The following DPP10 variants were observed in gnomAD, a reference collection of about 807,000 sequenced individuals.
DPP10 encodes dipeptidyl peptidase like 10, also known as inactive dipeptidyl peptidase 10.
A neutral mutation model predicts 120.9 loss-of-function variants in DPP10; 33 were observed. The ratio of observed to expected loss-of-function variants is 0.27; its 90% CI spans 0.21 to 0.37. The LOEUF (loss-of-function observed/expected upper bound fraction) is 0.37. Among genes scored for constraint, DPP10 ranks in the 10% least tolerant of loss-of-function variants. The pLI, the probability that DPP10 is intolerant of heterozygous loss-of-function variation, is 1.00. For synonymous variants in DPP10, 337 were observed against 326.1 expected, an observed-to-expected ratio of 1.03 and a Z score of -0.36; for missense variants, 816 against 942.8, an observed-to-expected ratio of 0.87 and a Z score of 1.76.
At chr2:114,987,804 C>CTTTTTTTTTTTTTTTTTTTTTTTTT (rs59203543) in intron 1 of DPP10, among the ~76,000 whole-genome samples, 2 of 101,036 alleles carry the variant, frequency 2.0e-5, no homozygotes, top group Non-Finnish European at 3.6e-5. Flanking sequence ...TGGAGACTGT[C>CTTTTTTTTTTTTTTTTTTTTTTTTT]TTTTTTTTTT....
At chr2:115,676,449 A>G (rs145093899) in intron 5 of DPP10, among the ~76,000 whole-genome samples, 84 of 152,350 alleles carry the variant, frequency 5.5e-4, no homozygotes, top group African/African-American at 1.9e-3. Context: ...AGATATTAAC[A>G]TAGGAATACC....
At chr2:114,669,575 A>C (rs540135745) in intron 1 of DPP10, among the ~76,000 whole-genome samples, 65 of 152,210 alleles carry the variant, frequency 4.3e-4, no homozygotes, top group African/African-American at 1.4e-3. Flanking sequence ...AGGAATAGCA[A>C]TTTTCATGTA....
chr2:114,665,143 A>G (rs1697822391), intron 1 of DPP10, among the ~76,000 whole-genome samples: 1 of 152,200 alleles, frequency 6.6e-6, no homozygotes, highest in Admixed American at 6.5e-5. Flanking sequence ...AAGGAAAAAA[A>G]TGTATGCTGA....
chr2:115,688,655 C>G (rs1233595677), intron 5 of DPP10, among the ~76,000 whole-genome samples: 2 of 152,102 alleles, frequency 1.3e-5, no homozygotes, highest in Non-Finnish European at 2.9e-5. Flanking sequence ...CCTAACCCAT[C>G]TTTTGTAATT....
chr2:115,810,277 G>A (rs1217068772), intron 19 of DPP10, among the ~76,000 whole-genome samples: 1 of 151,960 alleles, frequency 6.6e-6, no homozygotes, highest in Non-Finnish European at 1.5e-5. Context: ...ATTCCTCAAG[G>A]TACCTCAGCA....
intron 4 of DPP10, among the ~76,000 whole-genome samples, chr2:115,513,938 T>C (rs2077366954): frequency 6.6e-6 from 1 of 152,018 alleles, no homozygotes; most frequent in Admixed American, 6.6e-5. Flanking sequence ...AGTGTTTCCT[T>C]AGAGCGGGGC....
At chr2:114,499,262 T>G (rs753168212) in intron 1 of DPP10, among the ~76,000 whole-genome samples, 1 of 152,208 alleles carries the variant, frequency 6.6e-6, no homozygotes, top group South Asian at 2.1e-4. Flanking sequence ...TCACTCCTCA[T>G]GCATGTGTAA....
chr2:115,799,847 A>G (rs145489196), intron 19 of DPP10, among the ~76,000 whole-genome samples: 2,079 of 151,940 alleles, frequency 0.014, 24 homozygotes, highest in South Asian at 0.028. Flanking sequence ...TTGGACATTT[A>G]GGTTGGTTCC....
chr2:114,707,706 C>T (rs1230404961), intron 1 of DPP10, among the ~76,000 whole-genome samples: 1 of 152,048 alleles, frequency 6.6e-6, no homozygotes, highest in Non-Finnish European at 1.5e-5. Flanking sequence ...AAATTAGGTG[C>T]CCAGCTTAAT....
rs942427596 is a variant in DPP10 at position 114,547,454 on chromosome 2, CT to C, written c.60+104627del. Among the ~76,000 whole-genome samples, 272 of 147,644 alleles carry C rather than the reference CT, an allele frequency of 1.8e-3. 1 individual carries two copies. Among genetic ancestry groups the C allele is most frequent in the African/African-American group, 5.0e-3 (203 of 40,364 alleles). ...GGAGACCACAGAAGAAAAGAAATAG[CT>C]TTTTTTTTTTCCTTTTTCCATAAAG... On this transcript the variant is annotated intron_variant, in intron 1 of 25. Coordinates refer to ENST00000410059, the MANE Select transcript of DPP10 (RefSeq NM_020868.6).
chr2:114,908,960 A>G (rs918538540), intron 1 of DPP10, among the ~76,000 whole-genome samples: 1 of 151,752 alleles, frequency 6.6e-6, no homozygotes, highest in East Asian at 1.9e-4. Flanking sequence ...ATATTTTAGT[A>G]CTGAGTTTAC....
At chr2:115,784,995 G>T (rs1190247788) in intron 17 of DPP10, among the ~76,000 whole-genome samples, 1 of 152,194 alleles carries the variant, frequency 6.6e-6, no homozygotes, top group Non-Finnish European at 1.5e-5. Context: ...ATTACTCAGT[G>T]CCCTGGGCAT....
chr2:115,185,313 A>C (rs1047706983), intron 1 of DPP10, among the ~76,000 whole-genome samples: 1 of 152,060 alleles, frequency 6.6e-6, no homozygotes, highest in African/African-American at 2.4e-5. Context: ...CTCGCTCTAA[A>C]AATGTTGGAA....
intron 21 of DPP10, among the ~76,000 whole-genome samples, chr2:115,830,358 C>CAA (rs545749288): frequency 3.9e-4 from 28 of 71,258 alleles, no homozygotes; most frequent in East Asian, 1.5e-3. Context: ...AATTCTGTCT[C>CAA]AAAAAAAAAA....
At chr2:115,302,744 A>G (rs1206738858) in intron 1 of DPP10, among the ~76,000 whole-genome samples, 2 of 152,140 alleles carry the variant, frequency 1.3e-5, no homozygotes, top group African/African-American at 2.4e-5. Context: ...ATGATTTAGC[A>G]TATTTAACCT....
At chr2:115,137,562 C>T (rs1034217360) in intron 1 of DPP10, among the ~76,000 whole-genome samples, 4 of 152,162 alleles carry the variant, frequency 2.6e-5, no homozygotes, top group African/African-American at 7.2e-5. Flanking sequence ...AGGCTGGATA[C>T]CTAGGAATGT....
intron 1 of DPP10, among the ~76,000 whole-genome samples, chr2:114,855,101 A>G (rs922921823): frequency 1.3e-5 from 2 of 152,180 alleles, no homozygotes; most frequent in Admixed American, 1.3e-4. Flanking sequence ...TTTGGGTTCA[A>G]AAGAGGGAAT....
intron 1 of DPP10, among the ~76,000 whole-genome samples, chr2:114,961,448 C>T (rs113679844): frequency 0.014 from 2,120 of 150,356 alleles, 44 homozygotes; most frequent in African/African-American, 0.05. Context: ...TGTTTGAATG[C>T]GTGTGTGTGT....
intron 1 of DPP10, among the ~76,000 whole-genome samples, chr2:114,738,113 G>T (rs1677644074): frequency 6.6e-6 from 1 of 152,146 alleles, no homozygotes; most frequent in Admixed American, 6.5e-5. Context: ...GAAACAACCA[G>T]ATCTCATGAG....
Sources: gnomAD v4.1 joint callset for allele counts (sites outside exome capture counted in the v4.1 genomes callset) on GRCh38, gnomAD v4.1.1 for gene constraint, MANE v1.5 for transcripts, NCBI Gene and HGNC (gene_info 2026-07-23, HGNC 2026-07-21) for gene names.